Variants in VPS35L observed in about 807,000 individuals in gnomAD.
VPS35L encodes the protein VPS35 endosomal protein sorting factor like.
VPS35L carries 83 observed loss-of-function variants against 133.0 expected under a neutral mutation model. The ratio of observed to expected loss-of-function variants is 0.62; its 90% confidence interval spans 0.52 to 0.75. VPS35L has a LOEUF of 0.75. Among genes scored for constraint, VPS35L ranks in the 30% least tolerant of loss-of-function variants. The probability of loss-of-function intolerance (pLI) is 0.00; values close to 1 mark genes in which losing one functional copy is unlikely to be tolerated. For missense variants in VPS35L, 1,083 were observed against 1,206.8 expected, an observed-to-expected ratio of 0.90 and a Z score of 1.52; for synonymous variants, 423 against 449.9, an observed-to-expected ratio of 0.94 and a Z score of 0.76.
At chr16:19,603,677 G>A (rs1010995876) in intron 9 of VPS35L, among the ~76,000 whole-genome samples, 3 of 152,140 alleles carry the variant, frequency 2.0e-5, no homozygotes, top group Non-Finnish European at 4.4e-5. Context: ...CAGCCCAAGT[G>A]GAAAGGAAAG....
chr16:19,590,148 C>G (rs1259284778), intron 7 of VPS35L, among the ~76,000 whole-genome samples: 1 of 112,142 alleles, frequency 8.9e-6, no homozygotes, highest in Non-Finnish European at 2.0e-5. Context: ...CGCCCCCCCC[C>G]CCCCCCCCAC....
chr16:19,684,370 A>G (rs1417355895), intron 28 of VPS35L, among the ~76,000 whole-genome samples: 1 of 152,184 alleles, frequency 6.6e-6, no homozygotes, highest in Middle Eastern at 3.4e-3. Flanking sequence ...TAAAAAACCA[A>G]CTCTACACTT....
At chr16:19,568,802 C>T (rs1971270532) in intron 2 of VPS35L, among the ~76,000 whole-genome samples, 1 of 152,136 alleles carries the variant, frequency 6.6e-6, no homozygotes, top group Non-Finnish European at 1.5e-5. Flanking sequence ...TGTACCACCA[C>T]ACCTGGATTA....
At chr16:19,568,757 C>G (rs1434203971) in intron 2 of VPS35L, among the ~76,000 whole-genome samples, 2 of 152,148 alleles carry the variant, frequency 1.3e-5, no homozygotes, top group African/African-American at 4.8e-5. Context: ...GCCATCCTCC[C>G]ACTTCAGCCT....
chr16:19,587,286 CATGTTAACT>C (rs1299704451), intron 7 of VPS35L: 3 of 445,338 alleles, frequency 6.7e-6, no homozygotes, highest in Non-Finnish European at 1.4e-5. Context: ...AGAGCCAAAC[CATGTTAACT>C]ATGTTTTTCT....
intron 29 of VPS35L, among the ~76,000 whole-genome samples, chr16:19,696,174 G>A (rs777648351): frequency 1.2e-4 from 19 of 152,070 alleles, no homozygotes; most frequent in Non-Finnish European, 1.6e-4. Context: ...ATAAGCCACC[G>A]TGCCCGGCTA....
intron 26 of VPS35L, among the ~76,000 whole-genome samples, chr16:19,660,956 G>A (rs1243331904): frequency 1.3e-5 from 2 of 151,824 alleles, no homozygotes; most frequent in African/African-American, 2.4e-5. Context: ...TAACAGTATG[G>A]ACATCTTGAT....
intron 6 of VPS35L, among the ~76,000 whole-genome samples, chr16:19,580,262 C>T (rs226848): frequency 0.1 from 15,392 of 150,312 alleles, 884 homozygotes; most frequent in African/African-American, 0.16. Context: ...TACAGGCACG[C>T]GCCACCGTGC....
At chr16:19,687,432 G>A (rs988357387) in intron 28 of VPS35L, among the ~76,000 whole-genome samples, 6 of 152,170 alleles carry the variant, frequency 3.9e-5, no homozygotes, top group Admixed American at 1.3e-4. Context: ...AGTAACTGCC[G>A]TCCCCCACTG....
Position 19,573,144 on chromosome 16 carries a change from G to T in VPS35L, c.311G>T (p.Arg104Ile). The change falls in exon 4 of 31, where the codon AGA becomes ATA. Residue 104 changes from arginine (R) to isoleucine (I), a missense_variant. Physicochemically the swap from Arg to Ile is moderately conservative, Grantham distance 97. Transcript: ENST00000417362. ...GACAGCTCCAGAAGGAAACGTGATAGAGATGATAACTCCGTTGTAGGATCG... is the reference window on the plus strand; with the variant it reads ...GACAGCTCCAGAAGGAAACGTGATATAGATGATAACTCCGTTGTAGGATCG... ...AMDSSRRKRD[R>I]DDNSVVGSDF... 6.2e-7 allele frequency: 1 copy of T among 1,613,902 alleles called. No individual in the cohort carries two copies. The highest frequency in any genetic ancestry group is 2.2e-5 in the East Asian group (1 of 44,870).
intron 7 of VPS35L, among the ~76,000 whole-genome samples, chr16:19,587,863 G>A (rs1193554527): frequency 7.3e-6 from 1 of 137,876 alleles, no homozygotes; most frequent in African/African-American, 2.8e-5. Flanking sequence ...GCAGTGGCGT[G>A]ATCTCTGCTC....
At chr16:19,555,806 G>C (rs1001310559) in intron 1 of VPS35L, 60 bp downstream of exon 1, 5 of 1,525,304 alleles carry the variant, frequency 3.3e-6, no homozygotes, top group African/African-American at 1.4e-5. Flanking sequence ...TGATGGGGTC[G>C]GCCTGGGTCT....
At chr16:19,576,332 T>G (rs959955874) in intron 5 of VPS35L, among the ~76,000 whole-genome samples, 2 of 150,392 alleles carry the variant, frequency 1.3e-5, no homozygotes, top group Non-Finnish European at 2.9e-5. Flanking sequence ...CCTTGTGCAA[T>G]AAGGTATGTT....
At chr16:19,692,050 A>AT (rs944722287) in intron 29 of VPS35L, among the ~76,000 whole-genome samples, 42 of 151,482 alleles carry the variant, frequency 2.8e-4, no homozygotes, top group African/African-American at 8.5e-4. Context: ...TATTTTTTGT[A>AT]TTTTTTTAGT....
chr16:19,676,937 T>C (rs1975082814), intron 27 of VPS35L, among the ~76,000 whole-genome samples: 1 of 152,024 alleles, frequency 6.6e-6, no homozygotes, highest in Non-Finnish European at 1.5e-5. Flanking sequence ...GCTGGAAAAC[T>C]GATGGTATTA....
chr16:19,559,581 A>T (rs1487956571), intron 1 of VPS35L, among the ~76,000 whole-genome samples: 1 of 152,248 alleles, frequency 6.6e-6, no homozygotes, highest in African/African-American at 2.4e-5. Context: ...ATGCTTTAAC[A>T]TCTCAGACTT....
chr16:19,644,812 C>A (rs778044756), intron 22 of VPS35L, 74 bp from the exon 23 acceptor site: 39 of 1,052,150 alleles, frequency 3.7e-5, no homozygotes, highest in Admixed American at 6.4e-5. Flanking sequence ...AATTACTTAC[C>A]CCTTGTGTAT....
At chr16:19,630,500 ATT>A (rs1330782434) in intron 18 of VPS35L, among the ~76,000 whole-genome samples, 1 of 151,540 alleles carries the variant, frequency 6.6e-6, no homozygotes, top group East Asian at 2.0e-4. Context: ...CGCCTGGCTA[ATT>A]TTTTTGTGTT....
chr16:19,660,184 G>A (rs184996451), intron 26 of VPS35L, among the ~76,000 whole-genome samples: 1 of 152,134 alleles, frequency 6.6e-6, no homozygotes, highest in East Asian at 1.9e-4. Context: ...AATTAGCCGG[G>A]CGTGGTGGTG....
Sources: gnomAD v4.1 joint callset for allele counts (sites outside exome capture counted in the v4.1 genomes callset) on GRCh38, gnomAD v4.1.1 for gene constraint, MANE v1.5 for transcripts, NCBI Gene and HGNC (gene_info 2026-07-23, HGNC 2026-07-21) for gene names.